U2SURP: variants seen among roughly 807,000 people sequenced by gnomAD.
U2SURP encodes U2 snRNP associated SURP domain containing.
U2SURP carries 9 observed loss-of-function variants against 144.9 expected under a neutral mutation model. The ratio of observed to expected loss-of-function variants is 0.06; its 90% CI spans 0.04 to 0.11. The LOEUF (loss-of-function observed/expected upper bound fraction) is 0.11, where lower values mean the gene tolerates loss of function less well. U2SURP is among the 10% of genes least tolerant of loss of function. The probability of loss-of-function intolerance (pLI) is 1.00; values close to 1 mark genes in which losing one functional copy is unlikely to be tolerated. For missense variants in U2SURP, 724 were observed against 1,226.7 expected (o/e 0.59, Z 6.12); for synonymous variants, 408 against 396.8 (o/e 1.03, Z -0.33).
chr3:143,035,638 G>T (rs1346601832), intron 19 of U2SURP, among the ~76,000 whole-genome samples: 2 of 152,092 alleles, frequency 1.3e-5, no homozygotes, highest in African/African-American at 4.8e-5. Context: ...TCAAAACTTG[G>T]CTACTTTGGT....
At chr3:143,049,011 T>C (rs1239547453) in intron 24 of U2SURP, among the ~76,000 whole-genome samples, 2 of 151,400 alleles carry the variant, frequency 1.3e-5, no homozygotes, top group African/African-American at 4.9e-5. Context: ...TCCCAGCAGT[T>C]TGGGAGGCCA....
At chr3:143,049,954 A>G (rs9839114) in intron 24 of U2SURP, among the ~76,000 whole-genome samples, 5,573 of 152,290 alleles carry the variant, frequency 0.037, 296 homozygotes, top group African/African-American at 0.12. Flanking sequence ...TGTATTAGCC[A>G]GAAATCTCTG....
intron 1 of U2SURP, among the ~76,000 whole-genome samples, chr3:143,009,222 C>T (rs900667667): frequency 1.8e-4 from 28 of 152,082 alleles, no homozygotes; most frequent in African/African-American, 6.5e-4. Context: ...TTTTATACCA[C>T]CTTGACATTT....
intron 25 of U2SURP, among the ~76,000 whole-genome samples, chr3:143,052,204 G>A (rs575548496): frequency 2.0e-5 from 3 of 152,172 alleles, no homozygotes; most frequent in Non-Finnish European, 4.4e-5. Context: ...AGACCAGCCT[G>A]ACCAGCATGG....
chr3:143,024,188 A>G (rs1175859805), intron 13 of U2SURP, among the ~76,000 whole-genome samples, 170 bp downstream of exon 13: 4 of 152,088 alleles, frequency 2.6e-5, no homozygotes, highest in African/African-American at 7.2e-5. Flanking sequence ...TATACTTTGC[A>G]ATTTTATGTC....
At chr3:143,014,719 A>G (rs568855618) in intron 4 of U2SURP, among the ~76,000 whole-genome samples, 2 of 152,160 alleles carry the variant, frequency 1.3e-5, no homozygotes, top group Admixed American at 1.3e-4. Flanking sequence ...AGCATGCTTT[A>G]TACAGTACAC....
rs200124980 is a variant in U2SURP, at chr3:143,021,363, A to C, written c.747A>C (p.Ser249=). The C allele has an allele frequency of 5.0e-5, 80 of 1,600,036 alleles. No homozygotes were observed. In the African/African-American group the frequency reaches 9.8e-4, roughly 20 times the overall value. The change falls in exon 9 of 28, where the codon TCA becomes TCC. Residue 249 remains serine, a synonymous_variant. Coordinates refer to ENST00000473835, the MANE Select transcript of U2SURP (RefSeq NM_001080415.2). ...DGQRRSMDAP[S]RRNRSSGVLD... is the part of the protein sequence containing the mutation. ...CTCCCCTTTAAGTGGACGCGCCTTC[A>C]AGAAGAAATAGATCATCTGGTGGTA...
In U2SURP at chr3:143,037,423, G is replaced by T; in HGVS notation, c.2221+88G>T. 2.4e-6 allele frequency: 3 copies of T among 1,273,256 alleles called. No homozygotes were observed. In the South Asian group the frequency reaches 4.3e-5, roughly 18 times the overall value. 78.9% of individuals were successfully genotyped at this position (1,273,256 alleles called of 1,614,324 possible). On this transcript the variant is annotated intron_variant, in intron 21 of 27. Transcript: ENST00000473835. ...TCCATACATGCTGATATGGAAAAAG[G>T]TTATAGTTTCTCATGAACGTATCAA...
chr3:143,050,150 C>T (rs1219344881), intron 24 of U2SURP, among the ~76,000 whole-genome samples: 5 of 152,078 alleles, frequency 3.3e-5, no homozygotes, highest in African/African-American at 9.6e-5. Flanking sequence ...CTCGGCTCAC[C>T]GCAACCTCCG....
intron 13 of U2SURP, 120 bp downstream of exon 13, chr3:143,024,138 A>C: frequency 1.1e-6 from 1 of 886,500 alleles, no homozygotes; most frequent in Non-Finnish European, 1.8e-6. Flanking sequence ...CCTTCCCAGT[A>C]CTTTTTGCGG....
At chr3:143,028,067 G>A (rs1485454038) in intron 14 of U2SURP, among the ~76,000 whole-genome samples, 1 of 152,098 alleles carries the variant, frequency 6.6e-6, no homozygotes. Flanking sequence ...GCCAGACACA[G>A]TATCTGCCAT....
intron 14 of U2SURP, 72 bp downstream of exon 14, chr3:143,027,325 A>T (rs1316065499): frequency 1.7e-6 from 2 of 1,151,186 alleles, no homozygotes; most frequent in Non-Finnish European, 2.5e-6. Flanking sequence ...TTAAGTATAC[A>T]GTTCAGTGTC....
At position 143,001,669 on chromosome 3, in the gene U2SURP, C is replaced by T. The variant is rs779264097; in HGVS notation, c.41C>T (p.Ser14Leu). 2 of 1,613,910 alleles carry T rather than the reference C, an allele frequency of 1.2e-6. No homozygotes were observed. Among genetic ancestry groups the T allele is most frequent in the East Asian group, 2.2e-5 (1 of 44,866 alleles). The part of the protein sequence containing the change: ...KTPGGSQKAS[S>L]KTRSSDVHSS... ...CCAGGCGGATCTCAGAAGGCCAGTT[C>T]AAAGGTAATTTCTGACAAAATTTCG... Residue 14 changes from serine (S) to leucine (L), a missense_variant, in exon 1 of 28, where the codon TCA (serine) becomes TTA (leucine). Around this residue, in one of 13 missense-constraint regions of U2SURP, gnomAD observed 127 missense variants for 98.2 expected, o/e 1.29. Coordinates refer to ENST00000473835, the MANE Select transcript of U2SURP (RefSeq NM_001080415.2).
At chr3:143,036,686 A>G (rs1933828371) in intron 20 of U2SURP, among the ~76,000 whole-genome samples, 1 of 152,150 alleles carries the variant, frequency 6.6e-6, no homozygotes, top group Non-Finnish European at 1.5e-5. Flanking sequence ...GACTTTGTAC[A>G]TGTCCTTCCC....
chr3:143,055,935 T>G (rs1165949311), intron 27 of U2SURP, among the ~76,000 whole-genome samples: 1 of 152,168 alleles, frequency 6.6e-6, no homozygotes, highest in South Asian at 2.1e-4. Flanking sequence ...TGCATGATCT[T>G]AGGTGCAACT....
chr3:143,024,388 G>T, intron 13 of U2SURP: 2 of 362,424 alleles, frequency 5.5e-6, no homozygotes, highest in Middle Eastern at 4.9e-4. Context: ...TTTTTTTCTT[G>T]TTTTCTGAAT....
chr3:143,012,508 A>T (rs1175351992), intron 3 of U2SURP, 155 bp downstream of exon 3: 1 of 631,318 alleles, frequency 1.6e-6, no homozygotes, highest in East Asian at 3.2e-5. Flanking sequence ...GATAACAGTA[A>T]ACTCATTTAT....
rs558808660 is a variant in U2SURP at position 143,059,154 on chromosome 3, T to C, written c.*2704T>C. The C allele has an allele frequency of 1.3e-5, 2 of 152,526 alleles. No homozygotes were observed. The highest frequency in any genetic ancestry group is 3.9e-4 in the East Asian group (2 of 5,188). The allele number at this position is 152,526 out of a possible 1,614,324, so 9.4% of individuals were successfully genotyped here. A position where few individuals can be genotyped will look rare whatever the true frequency, so the allele number is the denominator to read the frequency against. ...ATTACAGATAGTAAGCATATGGGAA[T>C]TTCTGAGCTATAACATGTTGAGAAG... On this transcript the variant is annotated 3_prime_UTR_variant, in exon 28 of 28. Transcript: ENST00000473835.
chr3:143,040,232 T>C (rs947365853), intron 23 of U2SURP, among the ~76,000 whole-genome samples: 4 of 151,908 alleles, frequency 2.6e-5, no homozygotes, highest in Admixed American at 6.6e-5. Flanking sequence ...AAAACTGATA[T>C]TTGTGTTAAT....
Sources: allele counts gnomAD v4.1 joint callset (sites outside exome capture counted in the v4.1 genomes callset), GRCh38; gene constraint gnomAD v4.1.1; regional missense constraint gnomAD v4.1.1; transcripts MANE v1.5; gene names NCBI Gene and HGNC (gene_info 2026-07-23, HGNC 2026-07-21).